TCF7L2: variants seen among roughly 807,000 people sequenced by gnomAD.
The protein encoded by TCF7L2 is transcription factor 7 like 2.
TCF7L2 carries 23 observed loss-of-function variants against 77.9 expected under a neutral mutation model. The ratio of observed to expected loss-of-function variants is 0.30; its 90% CI spans 0.21 to 0.42. TCF7L2 has a LOEUF of 0.42. TCF7L2 is among the 10% of genes least tolerant of loss of function. The pLI, the probability that TCF7L2 is intolerant of heterozygous loss-of-function variation, is 1.00. For synonymous variants in TCF7L2, 413 were observed against 340.2 expected, an observed-to-expected ratio of 1.21 and a Z score of -2.36; for missense variants, 654 against 793.1, an observed-to-expected ratio of 0.82 and a Z score of 2.11.
rs80057642 is a variant in TCF7L2 at position 113,143,090 on chromosome 10, C to T, written c.686-833C>T. ...GTGGTATTGTGCCTTTTGCCTCCCA[C>T]TTCAATGGCATACATCAATTCCTCT... On this transcript the variant is annotated intron_variant, in intron 6 of 13. Coordinates refer to ENST00000627217, the MANE Select transcript of TCF7L2 (RefSeq NM_001146274.2). Among the ~76,000 whole-genome samples the T allele has an allele frequency of 3.9e-5, 6 of 152,350 alleles. No homozygotes were observed. The South Asian group carries it at 1.2e-3, about 32-fold the overall frequency.
chr10:113,107,060 C>A (rs2062421361), intron 5 of TCF7L2, among the ~76,000 whole-genome samples: 1 of 152,186 alleles, frequency 6.6e-6, no homozygotes, highest in Admixed American at 6.5e-5. Flanking sequence ...TGTCCTGTAA[C>A]CAGGAAACAA....
chr10:113,070,283 A>ATG (rs59961510), intron 5 of TCF7L2, among the ~76,000 whole-genome samples: 10,294 of 145,958 alleles, frequency 0.071, 427 homozygotes, highest in Non-Finnish European at 0.089. Context: ...ATATATATAT[A>ATG]TATATATGAA....
intron 5 of TCF7L2, among the ~76,000 whole-genome samples, chr10:113,048,713 A>G (rs1185731065): frequency 1.2e-4 from 18 of 152,214 alleles, no homozygotes. Context: ...GTGGTTGCAC[A>G]AAAGCTCCAG....
intron 5 of TCF7L2, among the ~76,000 whole-genome samples, chr10:113,090,971 G>C (rs548080456): frequency 1.3e-5 from 2 of 151,340 alleles, no homozygotes; most frequent in Admixed American, 1.3e-4. Context: ...GTGTGATCTT[G>C]GCTCACTGTG....
chr10:113,038,904 A>G (rs2051893705), intron 4 of TCF7L2, among the ~76,000 whole-genome samples: 1 of 152,174 alleles, frequency 6.6e-6, no homozygotes, highest in South Asian at 2.1e-4. Flanking sequence ...CTATAGAATT[A>G]ATATTAAAAC....
chr10:113,023,773 A>G (rs1005710713), intron 4 of TCF7L2, among the ~76,000 whole-genome samples: 3 of 151,776 alleles, frequency 2.0e-5, no homozygotes, highest in African/African-American at 7.3e-5. Flanking sequence ...GGTTCATGCC[A>G]TTCTCCTGAA....
At chr10:113,093,073 G>A (rs2060568280) in intron 5 of TCF7L2, among the ~76,000 whole-genome samples, 1 of 152,260 alleles carries the variant, frequency 6.6e-6, no homozygotes, top group South Asian at 2.1e-4. Flanking sequence ...CAAAACAGGC[G>A]GTGGTCATGG....
At chr10:113,093,174 C>G (rs1238253353) in intron 5 of TCF7L2, among the ~76,000 whole-genome samples, 11 of 152,202 alleles carry the variant, frequency 7.2e-5, no homozygotes, top group Admixed American at 7.2e-4. Flanking sequence ...ACTGTACGAA[C>G]TACTGTAACT....
intron 5 of TCF7L2, among the ~76,000 whole-genome samples, chr10:113,083,259 G>GACACACACACACACAC (rs10649541): frequency 1.6e-4 from 23 of 143,464 alleles, no homozygotes; most frequent in African/African-American, 5.0e-4. Context: ...TATACTGATA[G>GACACACACACACACAC]ACACACACAC....
intron 5 of TCF7L2, among the ~76,000 whole-genome samples, chr10:113,044,242 T>A (rs561495424): frequency 5.9e-5 from 9 of 152,310 alleles, no homozygotes; most frequent in African/African-American, 2.2e-4. Context: ...AGTGGAAAAC[T>A]CTTACGAAAT....
chr10:113,114,941 CTTAA>C (rs2063545576), intron 5 of TCF7L2, among the ~76,000 whole-genome samples: 1 of 152,166 alleles, frequency 6.6e-6, no homozygotes, highest in Non-Finnish European at 1.5e-5. Flanking sequence ...TCCAGTAAAT[CTTAA>C]TTAAGTTATT....
chr10:113,167,239 G>A lies in TCF7L2; in HGVS notation c.*1267G>A, dbSNP rs1030247617. On this transcript the variant is annotated 3_prime_UTR_variant, in exon 14 of 14. Transcript: ENST00000627217. ...GTCCAGAAAGCATTTTAAATGAAGA[G>A]GTATAAACCCTTAAGGGCCAAAATT... 1 of 228,620 alleles carries A rather than the reference G, an allele frequency of 4.4e-6. No individual in the cohort carries two copies. 14.2% of individuals were successfully genotyped at this position (228,620 alleles called of 1,614,324 possible). A position where few individuals can be genotyped will look rare whatever the true frequency, so the allele number is the denominator to read the frequency against.
chr10:113,154,609 T>C (rs1449821034), intron 11 of TCF7L2, among the ~76,000 whole-genome samples: 5 of 152,160 alleles, frequency 3.3e-5, no homozygotes, highest in Admixed American at 2.0e-4. Context: ...TTCAAAAGAA[T>C]ACCGTGTTTG....
At chr10:113,039,294 A>G (rs1366106818) in intron 4 of TCF7L2, among the ~76,000 whole-genome samples, 1 of 152,136 alleles carries the variant, frequency 6.6e-6, no homozygotes. Flanking sequence ...CCGTATATTT[A>G]TTTCCTAGCT....
chr10:113,102,111 C>CAAAAAAA (rs139047649), intron 5 of TCF7L2, among the ~76,000 whole-genome samples: 1 of 71,736 alleles, frequency 1.4e-5, no homozygotes, highest in Non-Finnish European at 2.5e-5. Flanking sequence ...GTGACTCCAT[C>CAAAAAAA]AAAAAAAAAA....
At chr10:112,982,825 A>T (rs750265212) in intron 4 of TCF7L2, among the ~76,000 whole-genome samples, 1 of 152,024 alleles carries the variant, frequency 6.6e-6, no homozygotes, top group Non-Finnish European at 1.5e-5. Context: ...GGGTTTTGCC[A>T]TGTTGGCCTG....
intron 5 of TCF7L2, among the ~76,000 whole-genome samples, chr10:113,044,015 C>G (rs2052968717): frequency 6.6e-6 from 1 of 152,168 alleles, no homozygotes; most frequent in Admixed American, 6.5e-5. Context: ...CAAAAGACTT[C>G]AAAAGTTCCT....
chr10:112,965,148 G>T (rs2036442794), intron 4 of TCF7L2, among the ~76,000 whole-genome samples: 1 of 152,094 alleles, frequency 6.6e-6, no homozygotes, highest in African/African-American at 2.4e-5. Context: ...CTTTGGACCT[G>T]ATCATCCTGA....
rs35779425 is a variant in TCF7L2 at position 113,025,218 on chromosome 10, A to AT, written c.451-14784dup. 4.2e-3 allele frequency among the ~76,000 whole-genome samples: 419 copies of AT among 98,902 alleles called. 6 individuals are homozygous for AT. Among genetic ancestry groups the AT allele is most frequent in the South Asian group, 0.016 (47 of 2,948 alleles). 64.9% of individuals were successfully genotyped at this position (98,902 alleles called of 152,430 possible). ...GACTACAGGCATGCACTGTGACTGGATTTTTTTTTTTTTTTTTTTTTTTGA... is the reference window on the plus strand; with the variant it reads ...GACTACAGGCATGCACTGTGACTGGATTTTTTTTTTTTTTTTTTTTTTTTGA... On this transcript the variant is annotated intron_variant, in intron 4 of 13. Coordinates refer to ENST00000627217, the MANE Select transcript of TCF7L2 (RefSeq NM_001146274.2).
Sources: allele counts gnomAD v4.1 joint callset (sites outside exome capture counted in the v4.1 genomes callset), GRCh38; gene constraint gnomAD v4.1.1; transcripts MANE v1.5; gene names NCBI Gene and HGNC (gene_info 2026-07-23, HGNC 2026-07-21).